Variants in ATP11B observed in about 807,000 individuals in gnomAD.
The protein encoded by ATP11B is phospholipid-transporting ATPase IF.
ATP11B carries 81 observed loss-of-function variants against 157.8 expected under a neutral mutation model. The ratio of observed to expected loss-of-function variants is 0.51; its 90% CI spans 0.43 to 0.62. The LOEUF (loss-of-function observed/expected upper bound fraction) is 0.62. Ranked by LOEUF, ATP11B falls within the 20% of genes least tolerant of loss-of-function variation. The pLI is 0.00. For synonymous variants in ATP11B, 451 were observed against 469.4 expected, an observed-to-expected ratio of 0.96 and a Z score of 0.51; for missense variants, 1,165 against 1,402.2, an observed-to-expected ratio of 0.83 and a Z score of 2.70.
rs772137913 is a variant in ATP11B, at chr3:182,898,720, TAAA to T, written c.3267_3269del (p.Ile1089_Lys1090delinsMet). ...GTTACATGTCTATTTCTTGATATCA[TAAA>T]GAAGGTCTTTGACCGACACCTCCAC... is the stretch of plus-strand genomic sequence containing the variant. On this transcript the variant is annotated inframe_deletion, in exon 28 of 30. Coordinates refer to ENST00000323116, the MANE Select transcript of ATP11B (RefSeq NM_014616.3). 4 of 1,596,618 alleles carry T rather than the reference TAAA, an allele frequency of 2.5e-6. No individual in the cohort carries two copies. The South Asian group carries it at 4.6e-5, about 18-fold the overall frequency.
intron 1 of ATP11B, among the ~76,000 whole-genome samples, chr3:182,815,491 T>C (rs965952441): frequency 1.3e-5 from 2 of 152,204 alleles, no homozygotes; most frequent in Non-Finnish European, 2.9e-5. Context: ...GTATTTTTTT[T>C]CCCTAGGCAT....
chr3:182,848,725 T>C (rs1220623653), intron 10 of ATP11B, among the ~76,000 whole-genome samples, 168 bp downstream of exon 10: 2 of 151,998 alleles, frequency 1.3e-5, no homozygotes, highest in Middle Eastern at 3.4e-3. Flanking sequence ...TTGCACAGTA[T>C]TGGACATGTA....
chr3:182,878,518 A>T (rs1722203339), intron 19 of ATP11B, among the ~76,000 whole-genome samples: 2 of 152,234 alleles, frequency 1.3e-5, no homozygotes, highest in Non-Finnish European at 2.9e-5. Flanking sequence ...TGTGGGGGGA[A>T]GCAGTTTAAT....
intron 29 of ATP11B, chr3:182,917,520 T>C (rs184675958): frequency 8.3e-4 from 814 of 985,394 alleles, no homozygotes; most frequent in Admixed American, 2.3e-3. Flanking sequence ...TTGATGCCTT[T>C]TGAATACATC....
intron 29 of ATP11B, chr3:182,916,380 G>T (rs1725142318): frequency 1.0e-6 from 1 of 985,238 alleles, no homozygotes; most frequent in African/African-American, 1.7e-5. Context: ...AATGCCACCA[G>T]TGTTTTTATG....
At chr3:182,853,589 ATT>A (rs1720148169) in intron 10 of ATP11B, among the ~76,000 whole-genome samples, 2 of 152,194 alleles carry the variant, frequency 1.3e-5, no homozygotes, top group Non-Finnish European at 2.9e-5. Flanking sequence ...AGCGTAATAT[ATT>A]TAGGAATAAG....
At chr3:182,874,693 A>G (rs1237719570) in intron 19 of ATP11B, among the ~76,000 whole-genome samples, 1 of 152,234 alleles carries the variant, frequency 6.6e-6, no homozygotes, top group African/African-American at 2.4e-5. Context: ...ACAGATGGAC[A>G]TTAACAGATG....
chr3:182,921,416 C>G lies in ATP11B; in HGVS notation c.*3312C>G, dbSNP rs1363736367. On this transcript the variant is annotated 3_prime_UTR_variant, in exon 30 of 30. Transcript: ENST00000323116. ...TCATAACTCATGATATGTTTGTAAT[C>G]ATGGTAATTTAGATTTTTATGAGGA... 6.6e-6 allele frequency: 1 copy of G among 151,984 alleles called. No individual in the cohort carries two copies. Among genetic ancestry groups the G allele is most frequent in the Non-Finnish European group, 1.5e-5 (1 of 67,998 alleles). The allele number at this position is 151,984 out of a possible 1,614,324, so 9.4% of individuals were successfully genotyped here.
At chr3:182,795,933 A>G (rs1715570188) in intron 1 of ATP11B, among the ~76,000 whole-genome samples, 1 of 152,230 alleles carries the variant, frequency 6.6e-6, no homozygotes, top group African/African-American at 2.4e-5. Flanking sequence ...ATTTGGGGAA[A>G]TTGACAAGCA....
intron 25 of ATP11B, among the ~76,000 whole-genome samples, chr3:182,895,309 A>G (rs1723473022): frequency 6.6e-6 from 1 of 152,034 alleles, no homozygotes; most frequent in East Asian, 1.9e-4. Flanking sequence ...CTCTTGACAA[A>G]TACATTCCCC....
intron 10 of ATP11B, among the ~76,000 whole-genome samples, chr3:182,857,140 TTTTG>T (rs768675829): frequency 3.3e-5 from 5 of 152,242 alleles, no homozygotes; most frequent in Non-Finnish European, 5.9e-5. Context: ...TTTACAGGGT[TTTTG>T]TTTGTTTGTT....
Position 182,917,761 on chromosome 3 carries a change from A to G in ATP11B, c.3453-262A>G, listed in dbSNP as rs904342305. ...TTAAAAGCAGCTCATGCTTTACTAC[A>G]TATAGAAACTGTTTTAATGCTAATG... On this transcript the variant is annotated intron_variant, in intron 29 of 29. Transcript: ENST00000323116. 5.1e-6 allele frequency: 5 copies of G among 984,838 alleles called. No homozygotes were observed. The African/African-American group carries it at 8.7e-5, about 17-fold the overall frequency. 61.0% of individuals were successfully genotyped at this position (984,838 alleles called of 1,614,324 possible).
chr3:182,905,003 G>A (rs546497720), intron 28 of ATP11B, among the ~76,000 whole-genome samples: 5 of 151,602 alleles, frequency 3.3e-5, no homozygotes, highest in South Asian at 2.1e-4. Flanking sequence ...TGTGTTATAG[G>A]CAAAGCTATT....
At chr3:182,864,011 A>T (rs1008194475) in intron 12 of ATP11B, among the ~76,000 whole-genome samples, 1 of 152,074 alleles carries the variant, frequency 6.6e-6, no homozygotes, top group East Asian at 1.9e-4. Flanking sequence ...AAAGTATTCT[A>T]TCTCTTATTT....
rs553004248 is a variant in ATP11B, at chr3:182,819,690, A to G, written c.28-570A>G. 2.6e-5 allele frequency among the ~76,000 whole-genome samples: 4 copies of G among 152,310 alleles called. No individual in the cohort carries two copies. In the East Asian group the frequency reaches 7.7e-4, roughly 29 times the overall value. ...ATGAGTCTGGGCAAGACCCTACCTA[A>G]TGCACTGTAAGTCATCTGGGAACAA... is the stretch of plus-strand genomic sequence containing the variant. On this transcript the variant is annotated intron_variant, in intron 1 of 29. Coordinates refer to ENST00000323116, the MANE Select transcript of ATP11B (RefSeq NM_014616.3).
intron 12 of ATP11B, among the ~76,000 whole-genome samples, chr3:182,860,106 C>A: frequency 6.6e-6 from 1 of 152,186 alleles, no homozygotes; most frequent in Non-Finnish European, 1.5e-5. Flanking sequence ...TGTTTTGGAT[C>A]TCCTCTTTCT....
At chr3:182,808,162 G>A (rs902255114) in intron 1 of ATP11B, among the ~76,000 whole-genome samples, 3 of 152,132 alleles carry the variant, frequency 2.0e-5, no homozygotes, top group African/African-American at 7.2e-5. Context: ...GAACTACAAG[G>A]GGAATGTAGA....
At chr3:182,845,010 T>TTTTTTTTTTTTTTA (rs1560081901) in intron 8 of ATP11B, among the ~76,000 whole-genome samples, 8 of 68,248 alleles carry the variant, frequency 1.2e-4, no homozygotes, top group African/African-American at 2.5e-4. Flanking sequence ...TTTTTTATTT[T>TTTTTTTTTTTTTTA]TTTTTATTTT....
In ATP11B at chr3:182,814,151, C is replaced by T. The variant is rs117340006; in HGVS notation, c.28-6109C>T. On this transcript the variant is annotated intron_variant, in intron 1 of 29. Coordinates refer to ENST00000323116, the MANE Select transcript of ATP11B (RefSeq NM_014616.3). The stretch of plus-strand genomic sequence containing the variant: ...AATCTTGGCTCACTTGCAACCTCTG[C>T]GTCCCAGGTTTAAGTGATTCTCCTG... Among the ~76,000 whole-genome samples, 180 of 152,254 alleles carry T rather than the reference C, an allele frequency of 1.2e-3. 2 individuals carry two copies. The East Asian group carries it at 0.012, about 10-fold the overall frequency.
Sources: allele counts gnomAD v4.1 joint callset (sites outside exome capture counted in the v4.1 genomes callset), GRCh38; gene constraint gnomAD v4.1.1; transcripts MANE v1.5; gene names NCBI Gene and HGNC (gene_info 2026-07-23, HGNC 2026-07-21).